SLC38A11: variants seen among roughly 807,000 people sequenced by gnomAD.
SLC38A11 encodes the protein solute carrier family 38 member 11, also known as putative sodium-coupled neutral amino acid transporter 11.
In SLC38A11, 51 loss-of-function variants were observed where a neutral mutation model predicts 49.4. The ratio of observed to expected loss-of-function variants is 1.03; its 90% CI spans 0.83 to 1.30. The LOEUF (loss-of-function observed/expected upper bound fraction) is 1.30. Among genes scored for constraint, SLC38A11 ranks in the 50% most tolerant of loss-of-function variants. The pLI is 0.00. For missense variants in SLC38A11, 574 were observed against 556.2 expected, an observed-to-expected ratio of 1.03 and a Z score of -0.32; for synonymous variants, 203 against 192.9, an observed-to-expected ratio of 1.05 and a Z score of -0.43.
At chr2:164,949,035 A>AT (rs569503705) in intron 3 of SLC38A11, among the ~76,000 whole-genome samples, 25 of 147,280 alleles carry the variant, frequency 1.7e-4, no homozygotes, top group Middle Eastern at 3.5e-3. Flanking sequence ...TGGTATAATT[A>AT]TTTTTTTTTT....
intron 7 of SLC38A11, among the ~76,000 whole-genome samples, chr2:164,918,926 A>G (rs1685986479): frequency 6.6e-6 from 1 of 152,234 alleles, no homozygotes; most frequent in Non-Finnish European, 1.5e-5. Flanking sequence ...ATGGAGAAAT[A>G]TACCATATCC....
chr2:164,946,564 C>CAAAAA (rs34775521), intron 3 of SLC38A11, among the ~76,000 whole-genome samples: 1 of 106,622 alleles, frequency 9.4e-6, no homozygotes, highest in African/African-American at 3.9e-5. Flanking sequence ...GACTCCCTCT[C>CAAAAA]AAAAAAAAAA....
chr2:164,935,599 G>C (rs1335098397), intron 7 of SLC38A11, among the ~76,000 whole-genome samples: 3 of 151,802 alleles, frequency 2.0e-5, no homozygotes, highest in Non-Finnish European at 4.4e-5. Flanking sequence ...CAGGAGGACT[G>C]CTTGAGCCCA....
At chr2:164,929,433 G>A (rs1251530342) in intron 7 of SLC38A11, among the ~76,000 whole-genome samples, 2 of 152,054 alleles carry the variant, frequency 1.3e-5, no homozygotes, top group African/African-American at 4.8e-5. Context: ...ATACATCTTT[G>A]TTATAGCCAA....
At chr2:164,938,674 A>T (rs1687539425) in intron 6 of SLC38A11, among the ~76,000 whole-genome samples, 1 of 152,188 alleles carries the variant, frequency 6.6e-6, no homozygotes, top group African/African-American at 2.4e-5. Flanking sequence ...GGAAGGATGA[A>T]CTTCATAAAT....
In SLC38A11 at chr2:164,894,721, C is replaced by A. The variant is rs954065265; in HGVS notation, c.*3716G>T. 2.0e-5 allele frequency among the ~76,000 whole-genome samples: 3 copies of A among 152,100 alleles called. No homozygotes were observed. The highest frequency in any genetic ancestry group is 4.4e-5 in the Non-Finnish European group (3 of 68,036). On this transcript the variant is annotated 3_prime_UTR_variant, in exon 12 of 12. Coordinates refer to ENST00000685975, the MANE Select transcript of SLC38A11 (RefSeq NM_001351537.2). ...CCCTTGTTAATTCTCCTCCCATGTC[C>A]TTTGTCATTGCTCTTCACTAATATT...
At chr2:164,952,807 C>A in intron 2 of SLC38A11, 26 bp from the exon 3 acceptor site, 1 of 1,555,512 alleles carries the variant, frequency 6.4e-7, no homozygotes, top group Non-Finnish European at 8.7e-7. Flanking sequence ...ATGCCCCACC[C>A]TTCACATTAA....
Position 164,895,996 on chromosome 2 carries a change from TG to T in SLC38A11, c.*2440del, listed in dbSNP as rs1684370905. On this transcript the variant is annotated 3_prime_UTR_variant, in exon 12 of 12. Coordinates refer to ENST00000685975, the MANE Select transcript of SLC38A11 (RefSeq NM_001351537.2). ...TTAAGAAGTGCTTTATACATTTAAGTGTATTGACAGCTTCAAAAACTGGTTT... is the reference window on the plus strand; with the variant it reads ...TTAAGAAGTGCTTTATACATTTAAGTTATTGACAGCTTCAAAAACTGGTTT... Among the ~76,000 whole-genome samples, 1 of 152,176 alleles carries T rather than the reference TG, an allele frequency of 6.6e-6. No homozygotes were observed. Among genetic ancestry groups the T allele is most frequent in the East Asian group, 1.9e-4 (1 of 5,194 alleles).
intron 7 of SLC38A11, among the ~76,000 whole-genome samples, chr2:164,916,940 T>C (rs1685836155): frequency 6.6e-6 from 1 of 152,126 alleles, no homozygotes; most frequent in Admixed American, 6.6e-5. Context: ...TCAACATTTA[T>C]AAACTGGGGA....
At chr2:164,942,432 CAA>C (rs138965956) in intron 5 of SLC38A11, among the ~76,000 whole-genome samples, 2 of 103,454 alleles carry the variant, frequency 1.9e-5, no homozygotes, top group Non-Finnish European at 2.0e-5. Context: ...GACTCTGTCT[CAA>C]AAAAAAAAAA....
chr2:164,927,541 C>G (rs749265830), intron 7 of SLC38A11, among the ~76,000 whole-genome samples: 2 of 152,042 alleles, frequency 1.3e-5, no homozygotes, highest in African/African-American at 4.8e-5. Flanking sequence ...GGCAAAGTAT[C>G]CCTCTTCTCC....
Position 164,915,216 on chromosome 2 carries a change from A to G in SLC38A11, c.746T>C (p.Val249Ala), listed in dbSNP as rs970682718. ...ATGGATAAGGCGGGACCACTTAGCTACTGTGGGTTCTTCTAGAGAACTGTA... is the reference window on the plus strand; with the variant it reads ...ATGGATAAGGCGGGACCACTTAGCTGCTGTGGGTTCTTCTAGAGAACTGTA... The part of the protein sequence containing the change: ...LVYSSLEEPT[V>A]AKWSRLIHMS... Residue 249 changes from valine (V) to alanine (A), a missense_variant, in exon 9 of 12, where the codon GTA becomes GCA. By Grantham distance (64) the Val-to-Ala change is moderately conservative. Transcript: ENST00000685975. 1 of 1,612,386 alleles carries G rather than the reference A, an allele frequency of 6.2e-7. No homozygotes were observed. The highest frequency in any genetic ancestry group is 1.3e-5 in the African/African-American group (1 of 74,932).
rs1208764580 is a variant in SLC38A11 at position 164,895,196 on chromosome 2, C to G, written c.*3241G>C. Among the ~76,000 whole-genome samples the G allele has an allele frequency of 6.6e-6, 1 of 152,320 alleles. No individual in the cohort carries two copies. Among genetic ancestry groups the G allele is most frequent in the East Asian group, 1.9e-4 (1 of 5,184 alleles). ...TTCTTTCTCTCCTGGTCTATGTGTTCTCTAGGTCACAGCATCTCTGGTCCA... is the reference window on the plus strand; with the variant it reads ...TTCTTTCTCTCCTGGTCTATGTGTTGTCTAGGTCACAGCATCTCTGGTCCA... On this transcript the variant is annotated 3_prime_UTR_variant, in exon 12 of 12. Coordinates refer to ENST00000685975, the MANE Select transcript of SLC38A11 (RefSeq NM_001351537.2).
At chr2:164,930,993 A>T (rs574668588) in intron 7 of SLC38A11, among the ~76,000 whole-genome samples, 6 of 152,220 alleles carry the variant, frequency 3.9e-5, no homozygotes, top group Non-Finnish European at 8.8e-5. Context: ...ACATGATCCT[A>T]TATCTAGAAA....
Position 164,937,401 on chromosome 2 carries a change from G to A in SLC38A11, c.566C>T (p.Thr189Ile), listed in dbSNP as rs1000380627. 3.7e-6 allele frequency: 6 copies of A among 1,611,322 alleles called. No homozygotes were observed. In the African/African-American group the frequency reaches 5.3e-5, roughly 14 times the overall value. ...KVSLISTGLT[T>I]LILGIVMARA... is the part of the protein sequence containing the mutation. ...TGCCATTACAATTCCAAGAATCAGA[G>A]TTGTTAAACCTGTAGAGATGAGGGA... The change falls in exon 7 of 12, where the codon ACT becomes ATT. Residue 189 changes from threonine to isoleucine, a missense_variant. Transcript: ENST00000685975.
In SLC38A11 at chr2:164,898,285, T is replaced by C; in HGVS notation, c.*152A>G. On this transcript the variant is annotated 3_prime_UTR_variant, in exon 12 of 12. Transcript: ENST00000685975. ...GGTGAAATACATTCAATTTTTCTTTTCTTTATCTTTTATATTGCACTACTC... is the reference window on the plus strand; with the variant it reads ...GGTGAAATACATTCAATTTTTCTTTCCTTTATCTTTTATATTGCACTACTC... 1.7e-6 allele frequency: 1 copy of C among 602,780 alleles called. No homozygotes were observed. The highest frequency in any genetic ancestry group is 2.8e-6 in the Non-Finnish European group (1 of 351,040). The allele number at this position is 602,780 out of a possible 1,614,324, so 37.3% of individuals were successfully genotyped here.
chr2:164,952,784 G>A lies in SLC38A11; in HGVS notation c.155-3C>T. 6.3e-7 allele frequency: 1 copy of A among 1,592,152 alleles called. No individual in the cohort carries two copies. Among genetic ancestry groups the A allele is most frequent in the Non-Finnish European group, 8.5e-7 (1 of 1,174,276 alleles). On this transcript the variant is annotated splice_region_variant and splice_polypyrimidine_tract_variant and intron_variant, in intron 2 of 11. Coordinates refer to ENST00000685975, the MANE Select transcript of SLC38A11 (RefSeq NM_001351537.2). ...TTGCTTCATTGAATAAGGCAATCCT[G>A]AAAAAACATAAAATGCCCCACCCTT...
At chr2:164,917,018 G>C (rs140169566) in intron 7 of SLC38A11, among the ~76,000 whole-genome samples, 19 of 152,210 alleles carry the variant, frequency 1.2e-4, no homozygotes, top group African/African-American at 4.1e-4. Context: ...AAAACTTCTG[G>C]AAGAGAGTTT....
intron 9 of SLC38A11, 53 bp downstream of exon 9, chr2:164,915,059 C>T (rs945774769): frequency 4.1e-6 from 6 of 1,469,650 alleles, no homozygotes; most frequent in Non-Finnish European, 5.5e-6. Flanking sequence ...GTAGAACATT[C>T]GGTATACCTG....
Sources: allele counts gnomAD v4.1 joint callset (sites outside exome capture counted in the v4.1 genomes callset), GRCh38; gene constraint gnomAD v4.1.1; transcripts MANE v1.5; gene names NCBI Gene and HGNC (gene_info 2026-07-23, HGNC 2026-07-21).